Variants in RTN4R observed in about 807,000 individuals in gnomAD.
RTN4R encodes the protein reticulon 4 receptor.
In RTN4R, 4 loss-of-function variants were observed where a neutral mutation model predicts 27.7. That is an observed-to-expected ratio of 0.14 (90% CI 0.07 to 0.33). The LOEUF is 0.33. RTN4R is among the 10% of genes least tolerant of loss of function. RTN4R has a pLI of 1.00. For missense variants in RTN4R, 554 were observed against 671.5 expected, an observed-to-expected ratio of 0.83 and a Z score of 1.93; for synonymous variants, 290 against 305.6, an observed-to-expected ratio of 0.95 and a Z score of 0.53.
chr22:20,267,668 A>G (rs1282644913), intron 1 of RTN4R: 6 of 457,980 alleles, frequency 1.3e-5, no homozygotes, highest in South Asian at 9.4e-5. Context: ...GCGGCCCGAC[A>G]CCCCCACCCA....
At position 20,252,364 on chromosome 22, in the gene RTN4R, T is replaced by A. The variant is rs1472124713; in HGVS notation, c.23-9254A>T. Among the ~76,000 whole-genome samples the A allele has an allele frequency of 2.6e-5, 4 of 152,152 alleles. No individual in the cohort carries two copies. In the East Asian group the frequency reaches 7.7e-4, roughly 29 times the overall value. On this transcript the variant is annotated intron_variant, in intron 1 of 1. Coordinates refer to ENST00000043402, the MANE Select transcript of RTN4R (RefSeq NM_023004.6). ...ATGGGGAAGGGAAGAGGACAAGGGA[T>A]GGGGAGTAAGAAATGAGGGCCCCTC...
chr22:20,268,191 GC>G lies in RTN4R; in HGVS notation c.-100del. 2.2e-6 allele frequency: 1 copy of G among 463,632 alleles called. No individual in the cohort carries two copies. The highest frequency in any genetic ancestry group is 2.9e-6 in the Non-Finnish European group (1 of 340,088). The allele number at this position is 463,632 out of a possible 1,614,324, so 28.7% of individuals were successfully genotyped here. ...TCCGCATCCAGGCGCCGCCGCTACG[GC>G]CCGGCCCCGGCCCGGCCGCGGGACG... On this transcript the variant is annotated 5_prime_UTR_variant, in exon 1 of 2. Transcript: ENST00000043402.
chr22:20,246,845 G>A (rs919790747), intron 1 of RTN4R, among the ~76,000 whole-genome samples: 1 of 152,240 alleles, frequency 6.6e-6, no homozygotes, highest in Non-Finnish European at 1.5e-5. Context: ...CCCTGGGCTG[G>A]GATCACCGGA....
In RTN4R at chr22:20,242,003, C is replaced by G. The variant is rs779384862; in HGVS notation, c.1130G>C (p.Arg377Pro). 6.2e-7 allele frequency: 1 copy of G among 1,610,828 alleles called. No individual in the cohort carries two copies. The highest frequency in any genetic ancestry group is 8.5e-7 in the Non-Finnish European group (1 of 1,179,888). Residue 377 changes from arginine (R) to proline (P), a missense_variant, in exon 2 of 2, where the codon CGG becomes CCG. Physicochemically the swap from Arg to Pro is moderately radical, Grantham distance 103. Around this residue, in one of 2 missense-constraint regions of RTN4R, gnomAD observed 413 missense variants for 542.3 expected, o/e 0.76. Transcript: ENST00000043402. ...CCCAAAGGGTGAGTCATTGATGTGCCGTGGGCCAGAGCCGTTGCCCGGCGG... is the reference window on the plus strand; with the variant it reads ...CCCAAAGGGTGAGTCATTGATGTGCGGTGGGCCAGAGCCGTTGCCCGGCGG... ...DSPPGNGSGP[R>P]HINDSPFGTL...
intron 1 of RTN4R, among the ~76,000 whole-genome samples, chr22:20,259,176 C>T (rs948658676): frequency 8.5e-5 from 13 of 152,192 alleles, no homozygotes; most frequent in African/African-American, 2.9e-4. Context: ...CCATCATCCG[C>T]CTCAGGCCAC....
chr22:20,267,369 C>A (rs113866893), intron 1 of RTN4R, among the ~76,000 whole-genome samples: 6 of 152,324 alleles, frequency 3.9e-5, no homozygotes, highest in African/African-American at 1.4e-4. Flanking sequence ...CCCTTGCCCG[C>A]ACCGCGGGAC....
rs937580182 is a variant in RTN4R, at chr22:20,255,515, C to T, written c.23-12405G>A. Among the ~76,000 whole-genome samples the T allele has an allele frequency of 3.3e-5, 5 of 152,206 alleles. No homozygotes were observed. The highest frequency in any genetic ancestry group is 1.2e-4 in the African/African-American group (5 of 41,454). On this transcript the variant is annotated intron_variant, in intron 1 of 1. Coordinates refer to ENST00000043402, the MANE Select transcript of RTN4R (RefSeq NM_023004.6). The surrounding 1 kb of genome is among the most constrained non-coding windows in gnomAD (Gnocchi z 4.8). ...CCAGGACACTATGGGCTCTTGGCCC[C>T]AGAGACTCTGCAATCCAGACACCCG...
chr22:20,244,660 C>T (rs1053074746), intron 1 of RTN4R, among the ~76,000 whole-genome samples: 6 of 152,296 alleles, frequency 3.9e-5, no homozygotes, highest in Admixed American at 3.9e-4. Flanking sequence ...TTTCTACACA[C>T]TCTTCCTAGG....
intron 1 of RTN4R, chr22:20,243,709 C>G (rs1418946654): frequency 2.7e-6 from 1 of 366,114 alleles, no homozygotes; most frequent in Admixed American, 3.8e-5. Context: ...CACTTCCTGA[C>G]TTGGCAGGAA....
At chr22:20,253,008 G>A (rs1402980779) in intron 1 of RTN4R, among the ~76,000 whole-genome samples, 1 of 152,160 alleles carries the variant, frequency 6.6e-6, no homozygotes, top group Non-Finnish European at 1.5e-5. Flanking sequence ...TCTCAGGTGA[G>A]GAGTCCAGGG....
intron 1 of RTN4R, among the ~76,000 whole-genome samples, chr22:20,251,700 TATC>T (rs1392371284): frequency 3.4e-5 from 4 of 118,388 alleles, no homozygotes; most frequent in East Asian, 2.9e-4. Context: ...TCACCATCAC[TATC>T]ATCATCACCA....
intron 1 of RTN4R, among the ~76,000 whole-genome samples, chr22:20,264,079 C>T (rs1159386493): frequency 1.3e-5 from 2 of 152,252 alleles, no homozygotes; most frequent in Non-Finnish European, 2.9e-5. Flanking sequence ...CTGAAATCAG[C>T]CCAAGCATCG....
rs147018549 is a variant in RTN4R, at chr22:20,246,824, C to T, written c.23-3714G>A. On this transcript the variant is annotated intron_variant, in intron 1 of 1. Transcript: ENST00000043402. The stretch of plus-strand genomic sequence containing the variant: ...CACGCACAGCTTGGTGCCCTCGGGC[C>T]CCAATGCCGCCCCTGGGCTGGGATC... Among the ~76,000 whole-genome samples the T allele has an allele frequency of 1.1e-3, 170 of 152,334 alleles. No homozygotes were observed. The East Asian group carries it at 0.024, about 21-fold the overall frequency.
intron 1 of RTN4R, among the ~76,000 whole-genome samples, chr22:20,250,835 T>A (rs1434580302): frequency 4.6e-5 from 7 of 150,904 alleles, no homozygotes; most frequent in Non-Finnish European, 7.4e-5. Context: ...GTAGCTGGGA[T>A]TACACACACA....
intron 1 of RTN4R, among the ~76,000 whole-genome samples, chr22:20,246,933 C>A (rs2051144535): frequency 6.6e-6 from 1 of 152,258 alleles, no homozygotes; most frequent in Admixed American, 6.5e-5. Context: ...AGTGGTTAAG[C>A]CCTGCCCTGC....
At chr22:20,266,851 GAC>G (rs916148107) in intron 1 of RTN4R, among the ~76,000 whole-genome samples, 3 of 152,242 alleles carry the variant, frequency 2.0e-5, no homozygotes, top group African/African-American at 7.2e-5. Flanking sequence ...CACGCGCACA[GAC>G]ACACGTGCAG....
intron 1 of RTN4R, among the ~76,000 whole-genome samples, chr22:20,246,092 G>C (rs1201771864): frequency 6.6e-6 from 1 of 152,324 alleles, no homozygotes; most frequent in South Asian, 2.1e-4. Context: ...GGACCTCCCC[G>C]GAGGATGGCC....
At chr22:20,243,330 C>A in intron 1 of RTN4R, 2 of 700,824 alleles carry the variant, frequency 2.9e-6, no homozygotes, top group South Asian at 1.5e-5. Flanking sequence ...GCCATGCACT[C>A]CACCCTGGAA....
In RTN4R at chr22:20,242,900, C is replaced by A; in HGVS notation, c.233G>T (p.Arg78Leu). ...RISHVPAASFRACRNLTILWL... is the reference protein window; with the variant it reads ...RISHVPAASFLACRNLTILWL... Reference sequence around the variant, plus strand: ...CAGGATGGTGAGGTTGCGGCAGGCACGGAAGCTGGCAGCTGGCACATGCGA... The same window carrying A: ...CAGGATGGTGAGGTTGCGGCAGGCAAGGAAGCTGGCAGCTGGCACATGCGA... Residue 78 changes from arginine to leucine, a missense_variant, in exon 2 of 2, where the codon CGT (arginine) becomes CTT (leucine). Transcript: ENST00000043402. 6.2e-7 allele frequency: 1 copy of A among 1,612,354 alleles called. No homozygotes were observed.
Sources: allele counts gnomAD v4.1 joint callset (sites outside exome capture counted in the v4.1 genomes callset), GRCh38; gene constraint gnomAD v4.1.1; regional missense constraint gnomAD v4.1.1; non-coding constraint Gnocchi (gnomAD v3.1); transcripts MANE v1.5; gene names NCBI Gene and HGNC (gene_info 2026-07-23, HGNC 2026-07-21).